TNKS: variants seen among roughly 807,000 people sequenced by gnomAD.
TNKS encodes tankyrase.
A neutral mutation model predicts 135.8 loss-of-function variants in TNKS; 72 were observed. The observed-to-expected ratio is 0.53, with a 90% confidence interval of 0.44 to 0.64. The LOEUF (loss-of-function observed/expected upper bound fraction) is 0.64, where lower values mean the gene tolerates loss of function less well. TNKS is among the 30% of genes least tolerant of loss of function. The probability of loss-of-function intolerance (pLI) is 0.00; values close to 1 mark genes in which losing one functional copy is unlikely to be tolerated. For synonymous variants in TNKS, 849 were observed against 649.3 expected (o/e 1.31, Z -4.68); for missense variants, 1,769 against 1,674.0 (o/e 1.06, Z -0.99).
chr8:9,555,955 C>T lies in TNKS; in HGVS notation c.16C>T (p.Arg6Cys), dbSNP rs1224404015. The T allele has an allele frequency of 6.2e-7, 1 of 1,612,156 alleles. No individual in the cohort carries two copies. Among genetic ancestry groups the T allele is most frequent in the Non-Finnish European group, 8.5e-7 (1 of 1,179,430 alleles). Residue 6 changes from arginine to cysteine, a missense_variant, in exon 1 of 27, where the codon CGC (arginine) becomes TGC (cysteine). Physicochemically the swap from Arg to Cys is radical, Grantham distance 180. This residue lies in a region of TNKS where 450 missense variants were observed against 304.9 expected (regional missense o/e 1.48). Transcript: ENST00000310430. MAASR[R>C]SQHHHHHHQQ... ...GAGTCCGAAGATGGCGGCGTCGCGTCGCTCTCAGCATCATCACCACCATCA... is the reference window on the plus strand; with the variant it reads ...GAGTCCGAAGATGGCGGCGTCGCGTTGCTCTCAGCATCATCACCACCATCA...
chr8:9,566,085 G>A (rs1585173461), intron 1 of TNKS, among the ~76,000 whole-genome samples: 2 of 152,180 alleles, frequency 1.3e-5, no homozygotes, highest in East Asian at 1.9e-4. Context: ...ATTCTCATCA[G>A]TCATGTTAAT....
chr8:9,726,590 G>C (rs769875861), intron 12 of TNKS, 51 bp from the exon 13 acceptor site: 1 of 1,339,524 alleles, frequency 7.5e-7, no homozygotes, highest in Non-Finnish European at 1.0e-6. Context: ...AATGCAGTTG[G>C]AATATATGAG....
chr8:9,657,782 A>ACC (rs1369381088), intron 3 of TNKS, among the ~76,000 whole-genome samples: 1 of 127,546 alleles, frequency 7.8e-6, no homozygotes, highest in African/African-American at 3.0e-5. Context: ...CAGGGGGCTG[A>ACC]CCCCCCCACC....
At chr8:9,652,460 A>G (rs957605901) in intron 3 of TNKS, among the ~76,000 whole-genome samples, 2 of 152,172 alleles carry the variant, frequency 1.3e-5, no homozygotes, top group Non-Finnish European at 2.9e-5. Context: ...AGCTTCTCAC[A>G]TTGGGATTAT....
At chr8:9,679,674 A>C in intron 3 of TNKS, 3 of 370,008 alleles carry the variant, frequency 8.1e-6, no homozygotes, top group South Asian at 4.4e-5. Context: ...ATCAGAGGGA[A>C]TGTGTTTCTG....
chr8:9,598,765 G>GTATATATATATATATATA (rs71201956), intron 2 of TNKS, among the ~76,000 whole-genome samples: 1 of 49,628 alleles, frequency 2.0e-5, no homozygotes, highest in African/African-American at 7.2e-5. Flanking sequence ...ATGTGTGTGT[G>GTATATATATATATATATA]TATATATATA....
Position 9,556,540 on chromosome 8 carries a change from C to T in TNKS, c.601C>T (p.Leu201=), listed in dbSNP as rs1327673548. Residue 201 remains leucine (L), a synonymous_variant, in exon 1 of 27, where the codon CTG becomes TTG. Transcript: ENST00000310430. The part of the protein sequence containing the change: ...RNGDVSRVKR[L]VDAANVNAKD... ...TGGGGACGTGTCCCGGGTAAAGAGG[C>T]TGGTGGACGCGGCAAACGTAAATGC... is the stretch of plus-strand genomic sequence containing the variant. 7 of 1,614,026 alleles carry T rather than the reference C, an allele frequency of 4.3e-6. No homozygotes were observed. The African/African-American group carries it at 6.7e-5, about 15-fold the overall frequency.
At position 9,690,497 on chromosome 8, in the gene TNKS, C is replaced by T. The variant is rs537624367; in HGVS notation, c.1107+9697C>T. ...ATTTTTGGCCAAGCATGGTGGCTCA[C>T]GCCTGTAATCCCAGCACTTTGGGAG... is the stretch of plus-strand genomic sequence containing the variant. On this transcript the variant is annotated intron_variant, in intron 5 of 26. Transcript: ENST00000310430. 2.1e-3 allele frequency among the ~76,000 whole-genome samples: 313 copies of T among 152,234 alleles called. 1 individual carries two copies. Among genetic ancestry groups the T allele is most frequent in the African/African-American group, 6.9e-3 (288 of 41,534 alleles).
intron 5 of TNKS, among the ~76,000 whole-genome samples, chr8:9,698,921 T>G (rs1227758597): frequency 6.6e-6 from 1 of 152,246 alleles, no homozygotes; most frequent in Admixed American, 6.5e-5. Flanking sequence ...TAACATTTTA[T>G]GATATGAAGA....
At chr8:9,570,293 G>C (rs946894832) in intron 1 of TNKS, among the ~76,000 whole-genome samples, 1 of 152,114 alleles carries the variant, frequency 6.6e-6, no homozygotes, top group African/African-American at 2.4e-5. Flanking sequence ...AATTTAAAAA[G>C]CTAGCCAGAT....
Position 9,706,769 on chromosome 8 carries a change from C to A in TNKS, c.1270-42C>A, listed in dbSNP as rs759389037. On this transcript the variant is annotated intron_variant, in intron 7 of 26. Transcript: ENST00000310430. ...GTCTTTTGAGTTTTATTTGATCCAG[C>A]AAAATGATTACTGACCTAAAATGTT... The A allele has an allele frequency of 9.1e-6, 14 of 1,540,042 alleles. No individual in the cohort carries two copies. In the African/African-American group the frequency reaches 1.4e-4, roughly 16 times the overall value.
At chr8:9,588,134 TAAAA>T (rs1332803736) in intron 2 of TNKS, among the ~76,000 whole-genome samples, 1 of 152,074 alleles carries the variant, frequency 6.6e-6, no homozygotes, top group Non-Finnish European at 1.5e-5. Context: ...CTAAGAAACT[TAAAA>T]AAAATAAATT....
At chr8:9,721,604 T>C (rs534325436) in intron 12 of TNKS, among the ~76,000 whole-genome samples, 2 of 151,402 alleles carry the variant, frequency 1.3e-5, no homozygotes, top group Admixed American at 6.7e-5. Context: ...TGGTTACTTT[T>C]TTCTACCTAC....
intron 20 of TNKS, among the ~76,000 whole-genome samples, chr8:9,754,528 A>G (rs1806734536): frequency 6.6e-6 from 1 of 151,542 alleles, no homozygotes; most frequent in Non-Finnish European, 1.5e-5. Flanking sequence ...TTTTAGCTAC[A>G]TTTTTTCATT....
Position 9,745,404 on chromosome 8 carries a change from TTTTTG to T in TNKS, c.2644-2604_2644-2600del, listed in dbSNP as rs907567293. ...TTATTTTATTTTTTGTTTATGGGGT[TTTTTG>T]TTTTGTTTTGTTTTGAGATGGAATC... is the stretch of plus-strand genomic sequence containing the variant. On this transcript the variant is annotated intron_variant, in intron 17 of 26. Transcript: ENST00000310430. Among the ~76,000 whole-genome samples, 4 of 152,234 alleles carry T rather than the reference TTTTTG, an allele frequency of 2.6e-5. No homozygotes were observed. In the South Asian group the frequency reaches 8.3e-4, roughly 32 times the overall value.
chr8:9,686,889 G>A (rs1803028069), intron 5 of TNKS, among the ~76,000 whole-genome samples: 1 of 152,020 alleles, frequency 6.6e-6, no homozygotes, highest in Non-Finnish European at 1.5e-5. Context: ...AAGAATTTGG[G>A]CCATGTGAGC....
At chr8:9,723,346 CAAAT>C (rs1804997793) in intron 12 of TNKS, among the ~76,000 whole-genome samples, 1 of 152,166 alleles carries the variant, frequency 6.6e-6, no homozygotes, top group East Asian at 1.9e-4. Context: ...TAATATCAGT[CAAAT>C]AAGATGTATA....
At chr8:9,653,570 A>G (rs1185333072) in intron 3 of TNKS, among the ~76,000 whole-genome samples, 1 of 151,928 alleles carries the variant, frequency 6.6e-6, no homozygotes, top group Non-Finnish European at 1.5e-5. Flanking sequence ...AGGCAACCAC[A>G]CTTTATAACA....
rs373191679 is a variant in TNKS, at chr8:9,614,653, AG to A, written c.899-928del. 2.2e-4 allele frequency among the ~76,000 whole-genome samples: 34 copies of A among 152,304 alleles called. No individual in the cohort carries two copies. The East Asian group carries it at 6.4e-3, about 29-fold the overall frequency. ...TGAAAATTTGGGACTCATCAACGGTAGTGCCTCATAACTTACAATTGAATTT... is the reference window on the plus strand; with the variant it reads ...TGAAAATTTGGGACTCATCAACGGTATGCCTCATAACTTACAATTGAATTT... On this transcript the variant is annotated intron_variant, in intron 2 of 26. Transcript: ENST00000310430.
Sources: gnomAD v4.1 joint callset for allele counts (sites outside exome capture counted in the v4.1 genomes callset) on GRCh38, gnomAD v4.1.1 for gene constraint, gnomAD v4.1.1 regional missense constraint, MANE v1.5 for transcripts, NCBI Gene and HGNC (gene_info 2026-07-23, HGNC 2026-07-21) for gene names.